Variants in ITPR1 observed in about 807,000 individuals in gnomAD.
The protein encoded by ITPR1 is inositol 1,4,5-trisphosphate-gated calcium channel ITPR1.
ITPR1 carries 96 observed loss-of-function variants against 318.4 expected under a neutral mutation model. The ratio of observed to expected loss-of-function variants is 0.30; its 90% CI spans 0.26 to 0.36. ITPR1 has a LOEUF of 0.36. ITPR1 is among the 10% of genes least tolerant of loss of function. The pLI is 1.00. For synonymous variants in ITPR1, 1,312 were observed against 1,289.9 expected, an observed-to-expected ratio of 1.02 and a Z score of -0.37; for missense variants, 2,440 against 3,460.2, an observed-to-expected ratio of 0.71 and a Z score of 7.40.
intron 4 of ITPR1, among the ~76,000 whole-genome samples, chr3:4,617,391 C>A (rs2125110010): frequency 6.6e-6 from 1 of 152,186 alleles, no homozygotes. Context: ...AATACTGCAT[C>A]CTGTGGAGGG....
chr3:4,546,520 G>A (rs540894468), intron 4 of ITPR1, among the ~76,000 whole-genome samples: 30 of 152,312 alleles, frequency 2.0e-4, no homozygotes, highest in African/African-American at 6.7e-4. Flanking sequence ...CTCAGACAGA[G>A]CTCGTGCACC....
intron 60 of ITPR1, among the ~76,000 whole-genome samples, chr3:4,822,544 C>T (rs1381979488): frequency 2.0e-5 from 3 of 152,198 alleles, no homozygotes; most frequent in Non-Finnish European, 4.4e-5. Context: ...CTATCCATGT[C>T]TTTAGTGGTT....
At chr3:4,734,039 A>G (rs2043110863) in intron 43 of ITPR1, among the ~76,000 whole-genome samples, 1 of 152,208 alleles carries the variant, frequency 6.6e-6, no homozygotes, top group Admixed American at 6.5e-5. Flanking sequence ...TACTCAGTGT[A>G]CGCTTAATTT....
chr3:4,585,092 G>C (rs1028021417), intron 4 of ITPR1, among the ~76,000 whole-genome samples: 2 of 152,158 alleles, frequency 1.3e-5, no homozygotes, highest in Non-Finnish European at 2.9e-5. Context: ...TTCCCTGCCC[G>C]GGCAGTTGTG....
chr3:4,736,626 C>CT (rs2043291551), intron 44 of ITPR1, among the ~76,000 whole-genome samples: 1 of 152,222 alleles, frequency 6.6e-6, no homozygotes, highest in Admixed American at 6.5e-5. Flanking sequence ...CACTGCTTGT[C>CT]TAAGTTGTCA....
intron 54 of ITPR1, among the ~76,000 whole-genome samples, chr3:4,801,172 C>A (rs2048205990): frequency 6.6e-6 from 1 of 152,138 alleles, no homozygotes. Flanking sequence ...TTAGGACAAA[C>A]TGATATAAAA....
rs573886724 is a variant in ITPR1, at chr3:4,738,234, A to G, written c.5544+2880A>G. Among the ~76,000 whole-genome samples, 118 of 152,362 alleles carry G rather than the reference A, an allele frequency of 7.7e-4. 5 individuals are homozygous for G. In the South Asian group the frequency reaches 0.024, roughly 31 times the overall value. ...AAAAGTTTAAAAAAGAAAAAAAACA[A>G]CAACTCAGTAAGCCATATGCTTAAA... On this transcript the variant is annotated intron_variant, in intron 44 of 61. Transcript: ENST00000649015.
chr3:4,749,507 A>G (rs376615566), intron 44 of ITPR1: 1 of 152,328 alleles, frequency 6.6e-6, no homozygotes, highest in East Asian at 1.9e-4. Flanking sequence ...TGGGGCCTCC[A>G]TATACACTGA....
At chr3:4,515,831 C>T (rs62231449) in intron 2 of ITPR1, among the ~76,000 whole-genome samples, 31,677 of 152,088 alleles carry the variant, frequency 0.21, 3,940 homozygotes, top group Admixed American at 0.31. Flanking sequence ...AAAGGGTTTT[C>T]ATCCTCTGGA....
chr3:4,619,784 TCCTCTGCCCTCCCC>T (rs2092551501), intron 4 of ITPR1, among the ~76,000 whole-genome samples: 1 of 122,048 alleles, frequency 8.2e-6, no homozygotes, highest in African/African-American at 3.1e-5. Context: ...TCCCCTGCTC[TCCTCTGCCCTCCCC>T]TGCTCTCCTC....
At chr3:4,667,573 C>A in intron 18 of ITPR1, 24 bp downstream of exon 18, 1 of 1,598,460 alleles carries the variant, frequency 6.3e-7, no homozygotes, top group Non-Finnish European at 8.5e-7. Flanking sequence ...GGGGTCCATG[C>A]AGGATGGTGT....
intron 52 of ITPR1, among the ~76,000 whole-genome samples, chr3:4,788,698 T>A (rs2047358845): frequency 6.6e-6 from 1 of 152,212 alleles, no homozygotes; most frequent in African/African-American, 2.4e-5. Flanking sequence ...TGAAACACAT[T>A]CGTAGGGCTT....
chr3:4,737,433 G>A (rs1402178415), intron 44 of ITPR1, among the ~76,000 whole-genome samples: 4 of 152,200 alleles, frequency 2.6e-5, no homozygotes, highest in Non-Finnish European at 5.9e-5. Flanking sequence ...GCATGGACCT[G>A]GGGCATAAGG....
chr3:4,767,860 C>T (rs551574427), intron 45 of ITPR1, among the ~76,000 whole-genome samples: 7 of 152,238 alleles, frequency 4.6e-5, no homozygotes, highest in East Asian at 3.9e-4. Flanking sequence ...ATGTCACCAC[C>T]GCAAGATAGA....
chr3:4,752,757 C>T (rs147940056), intron 44 of ITPR1, among the ~76,000 whole-genome samples: 64 of 152,316 alleles, frequency 4.2e-4, no homozygotes, highest in African/African-American at 1.3e-3. Flanking sequence ...TCTCAGCCTC[C>T]GGAGTAGCTA....
At chr3:4,824,790 C>G (rs958343007) in intron 60 of ITPR1, among the ~76,000 whole-genome samples, 1 of 152,192 alleles carries the variant, frequency 6.6e-6, no homozygotes, top group African/African-American at 2.4e-5. Flanking sequence ...CCAGCAACCA[C>G]TGCTCAGACA....
intron 7 of ITPR1, among the ~76,000 whole-genome samples, chr3:4,643,629 T>A (rs1343049855): frequency 1.3e-5 from 2 of 151,880 alleles, no homozygotes; most frequent in Non-Finnish European, 2.9e-5. Flanking sequence ...TTTAGTTACA[T>A]ATATATATAG....
chr3:4,567,425 G>A (rs1365807516), intron 4 of ITPR1, among the ~76,000 whole-genome samples: 1 of 152,102 alleles, frequency 6.6e-6, no homozygotes, highest in Non-Finnish European at 1.5e-5. Flanking sequence ...ACTTTAAATT[G>A]TTGTAGGAAA....
At chr3:4,652,036 C>T (rs1270786647) in intron 10 of ITPR1, 87 bp from the exon 11 acceptor site, 7 of 1,020,950 alleles carry the variant, frequency 6.9e-6, no homozygotes, top group Non-Finnish European at 1.1e-5. Flanking sequence ...AAACATCCCT[C>T]CTGAACTATG....
Sources: allele counts gnomAD v4.1 joint callset (sites outside exome capture counted in the v4.1 genomes callset), GRCh38; gene constraint gnomAD v4.1.1; transcripts MANE v1.5; gene names NCBI Gene and HGNC (gene_info 2026-07-23, HGNC 2026-07-21).